The following KALRN variants were observed in gnomAD, a reference collection of about 807,000 sequenced individuals.
KALRN encodes the protein kalirin.
In KALRN, 70 loss-of-function variants were observed where a neutral mutation model predicts 353.7. The observed-to-expected ratio is 0.20, with a 90% CI of 0.16 to 0.24. KALRN has a LOEUF of 0.24. Ranked by LOEUF, KALRN falls within the 10% of genes least tolerant of loss-of-function variation. KALRN has a pLI of 1.00. For missense variants in KALRN, 2,791 were observed against 3,756.7 expected (o/e 0.74, Z 6.72); for synonymous variants, 1,391 against 1,434.8 (o/e 0.97, Z 0.69).
chr3:124,615,577 A>G (rs1339027124), intron 34 of KALRN, among the ~76,000 whole-genome samples: 2 of 152,234 alleles, frequency 1.3e-5, no homozygotes, highest in African/African-American at 4.8e-5. Context: ...CATTGGAGGA[A>G]TCTGAGTAAA....
chr3:124,387,700 A>G (rs531724352), intron 11 of KALRN, among the ~76,000 whole-genome samples: 9 of 152,344 alleles, frequency 5.9e-5, no homozygotes, highest in Non-Finnish European at 1.2e-4. Context: ...TCAGTCCCAA[A>G]ATACGAGAGA....
intron 1 of KALRN, among the ~76,000 whole-genome samples, chr3:124,121,580 C>T (rs966653355): frequency 1.3e-5 from 2 of 152,174 alleles, no homozygotes; most frequent in Non-Finnish European, 2.9e-5. Flanking sequence ...TTCTTATCTC[C>T]TTTATCAGAC....
intron 1 of KALRN, among the ~76,000 whole-genome samples, chr3:124,202,123 T>C (rs1443939035): frequency 6.6e-6 from 1 of 152,264 alleles, no homozygotes; most frequent in Admixed American, 6.5e-5. Context: ...TGAAATTTTA[T>C]GTGCTTGGCA....
intron 1 of KALRN, among the ~76,000 whole-genome samples, chr3:124,118,250 G>T (rs1364505130): frequency 6.6e-6 from 1 of 152,076 alleles, no homozygotes; most frequent in African/African-American, 2.4e-5. Flanking sequence ...GCAGCTGGGG[G>T]ACAGGACAGA....
chr3:124,195,835 G>A (rs1478477723), intron 1 of KALRN, among the ~76,000 whole-genome samples: 2 of 152,314 alleles, frequency 1.3e-5, no homozygotes, highest in East Asian at 1.9e-4. Flanking sequence ...AATTTCAGAC[G>A]CTTGCATCAA....
At chr3:124,229,383 T>C (rs2078918083) in intron 2 of KALRN, among the ~76,000 whole-genome samples, 1 of 152,274 alleles carries the variant, frequency 6.6e-6, no homozygotes, top group Non-Finnish European at 1.5e-5. Flanking sequence ...TGGTAGGGTC[T>C]GAGGCAGAGG....
At chr3:124,351,561 A>C (rs981957759) in intron 10 of KALRN, among the ~76,000 whole-genome samples, 3 of 152,148 alleles carry the variant, frequency 2.0e-5, no homozygotes, top group African/African-American at 7.2e-5. Context: ...AAGGAAAAGC[A>C]AGCCCTCAAC....
chr3:124,647,881 G>A (rs1391467710), intron 37 of KALRN, among the ~76,000 whole-genome samples: 3 of 152,088 alleles, frequency 2.0e-5, no homozygotes, highest in Non-Finnish European at 4.4e-5. Context: ...TTAAATATGG[G>A]GATGACCTTC....
At chr3:124,308,658 A>T (rs1002797287) in intron 6 of KALRN, among the ~76,000 whole-genome samples, 4 of 152,162 alleles carry the variant, frequency 2.6e-5, no homozygotes, top group African/African-American at 9.6e-5. Context: ...CTTACGTGAT[A>T]CAGCTAAAAT....
intron 1 of KALRN, among the ~76,000 whole-genome samples, chr3:124,103,147 C>T (rs1349594648): frequency 3.9e-5 from 6 of 152,204 alleles, no homozygotes; most frequent in African/African-American, 1.2e-4. Flanking sequence ...CAGCCACCTT[C>T]CCTGTCAGCA....
chr3:124,451,800 C>T (rs1226065119), intron 21 of KALRN, among the ~76,000 whole-genome samples: 1 of 152,166 alleles, frequency 6.6e-6, no homozygotes. Context: ...CAAGCAGCCA[C>T]GTCATCTGGT....
intron 33 of KALRN, among the ~76,000 whole-genome samples, chr3:124,533,316 C>A (rs1422702641): frequency 2.0e-5 from 3 of 152,100 alleles, no homozygotes; most frequent in African/African-American, 7.2e-5. Flanking sequence ...GCTCCATTTT[C>A]TCTCTCATTT....
intron 49 of KALRN, chr3:124,677,524 A>G (rs2087320937): frequency 1.8e-5 from 8 of 453,922 alleles, no homozygotes; most frequent in Non-Finnish European, 3.1e-5. Context: ...TAGGACCTCT[A>G]CAGGCTGACA....
In KALRN at chr3:124,297,735, T is replaced by C. The variant is rs376279049; in HGVS notation, c.970-1056T>C. On this transcript the variant is annotated intron_variant, in intron 5 of 59. Coordinates refer to ENST00000682506, the MANE Select transcript of KALRN (RefSeq NM_001388419.1). ...ACTGGCTTTAATAATAAAGAGGATT[T>C]CTTGGCTCAGGTCCAAGGAAGTCCA... Among the ~76,000 whole-genome samples, 30 of 152,378 alleles carry C rather than the reference T, an allele frequency of 2.0e-4. No homozygotes were observed. The South Asian group carries it at 2.7e-3, about 14-fold the overall frequency.
intron 33 of KALRN, chr3:124,518,450 C>T (rs1231355563): frequency 6.2e-6 from 10 of 1,614,062 alleles, no homozygotes; most frequent in African/African-American, 1.3e-5. Context: ...ATCCTTTCTC[C>T]ACTTACGTTT....
At chr3:124,110,951 A>G (rs753899017) in intron 1 of KALRN, among the ~76,000 whole-genome samples, 7 of 152,100 alleles carry the variant, frequency 4.6e-5, no homozygotes, top group African/African-American at 7.2e-5. Context: ...ACTAAATACT[A>G]TTGTTTCTTG....
At chr3:124,165,707 T>G (rs965870794) in intron 1 of KALRN, among the ~76,000 whole-genome samples, 27 of 152,356 alleles carry the variant, frequency 1.8e-4, no homozygotes, top group African/African-American at 6.5e-4. Flanking sequence ...CTTGCACTCA[T>G]TCTTCCTGTA....
intron 25 of KALRN, among the ~76,000 whole-genome samples, chr3:124,467,084 T>TGAA (rs1186079270): frequency 6.6e-6 from 1 of 152,192 alleles, no homozygotes; most frequent in African/African-American, 2.4e-5. Context: ...CTATTAGATT[T>TGAA]GGCCTTGGCC....
intron 11 of KALRN, among the ~76,000 whole-genome samples, chr3:124,386,038 C>T (rs2149956779): frequency 6.6e-6 from 1 of 152,222 alleles, no homozygotes; most frequent in South Asian, 2.1e-4. Flanking sequence ...TGCTTCACAG[C>T]CTTTTCTGAC....
Sources: allele counts gnomAD v4.1 joint callset (sites outside exome capture counted in the v4.1 genomes callset), GRCh38; gene constraint gnomAD v4.1.1; transcripts MANE v1.5; gene names NCBI Gene and HGNC (gene_info 2026-07-23, HGNC 2026-07-21).